CNTN3: variants seen among roughly 807,000 people sequenced by gnomAD.
CNTN3 encodes contactin 3.
A neutral mutation model predicts 119.1 loss-of-function variants in CNTN3; 60 were observed. The ratio of observed to expected loss-of-function variants is 0.50; its 90% CI spans 0.41 to 0.62. The LOEUF (loss-of-function observed/expected upper bound fraction) is 0.62, where lower values mean the gene tolerates loss of function less well. Ranked by LOEUF, CNTN3 falls within the 20% of genes least tolerant of loss-of-function variation. The pLI, the probability that CNTN3 is intolerant of heterozygous loss-of-function variation, is 0.00. For synonymous variants in CNTN3, 450 were observed against 438.7 expected, an observed-to-expected ratio of 1.03 and a Z score of -0.32; for missense variants, 1,101 against 1,242.4, an observed-to-expected ratio of 0.89 and a Z score of 1.71.
intron 5 of CNTN3, among the ~76,000 whole-genome samples, chr3:74,390,355 C>T (rs1157766774): frequency 6.8e-6 from 1 of 146,662 alleles, no homozygotes; most frequent in Non-Finnish European, 1.5e-5. Context: ...CTTTACCAGT[C>T]TGCTGAGAGT....
At chr3:74,565,744 G>C (rs945509902) in intron 1 of CNTN3, among the ~76,000 whole-genome samples, 4 of 152,088 alleles carry the variant, frequency 2.6e-5, no homozygotes, top group African/African-American at 9.7e-5. Context: ...ATTGTAAAGG[G>C]GGAAGGTTGC....
chr3:74,509,164 A>T (rs545323317), intron 2 of CNTN3, among the ~76,000 whole-genome samples: 1 of 152,278 alleles, frequency 6.6e-6, no homozygotes, highest in Admixed American at 6.5e-5. Context: ...TTAGTTAATA[A>T]ACACATGCAC....
intron 22 of CNTN3, 67 bp downstream of exon 22, chr3:74,266,414 A>T: frequency 6.9e-7 from 1 of 1,440,154 alleles, no homozygotes; most frequent in Non-Finnish European, 9.7e-7. Flanking sequence ...AGGGATACTG[A>T]TTGACTCACT....
At chr3:74,371,105 C>T in intron 6 of CNTN3, 91 bp downstream of exon 6, 1 of 862,436 alleles carries the variant, frequency 1.2e-6, no homozygotes, top group Non-Finnish European at 1.9e-6. Flanking sequence ...GACAATTCTT[C>T]TAGATGTACT....
chr3:74,561,666 A>G lies in CNTN3; in HGVS notation c.-80-40474T>C, dbSNP rs897825370. On this transcript the variant is annotated intron_variant, in intron 1 of 22. Coordinates refer to ENST00000263665, the MANE Select transcript of CNTN3 (RefSeq NM_020872.3). ...TCATTGCTGTACTTTCCTCAGATCA[A>G]TTATTCCTTGGATTTATGATGTTCA... Among the ~76,000 whole-genome samples, 3 of 152,058 alleles carry G rather than the reference A, an allele frequency of 2.0e-5. No homozygotes were observed. In the South Asian group the frequency reaches 6.2e-4, roughly 32 times the overall value.
intron 1 of CNTN3, among the ~76,000 whole-genome samples, chr3:74,578,861 C>T (rs1377144613): frequency 6.6e-6 from 1 of 151,906 alleles, no homozygotes; most frequent in Non-Finnish European, 1.5e-5. Flanking sequence ...AATTAAATGA[C>T]ACATTCATTG....
At chr3:74,366,516 G>A (rs1704191116) in intron 8 of CNTN3, among the ~76,000 whole-genome samples, 1 of 151,800 alleles carries the variant, frequency 6.6e-6, no homozygotes. Flanking sequence ...ACTGGGAGGT[G>A]AGATGCCTTA....
intron 5 of CNTN3, among the ~76,000 whole-genome samples, chr3:74,398,940 A>T (rs1344478445): frequency 6.6e-6 from 1 of 152,230 alleles, no homozygotes; most frequent in Admixed American, 6.5e-5. Context: ...GTGATATTGC[A>T]ATACATACAA....
At chr3:74,320,020 A>C (rs1393162768) in intron 13 of CNTN3, among the ~76,000 whole-genome samples, 2 of 152,208 alleles carry the variant, frequency 1.3e-5, no homozygotes, top group African/African-American at 2.4e-5. Context: ...AGGAAAGAAC[A>C]GGTGCTGGAG....
chr3:74,422,090 G>C (rs921668638), intron 5 of CNTN3, among the ~76,000 whole-genome samples: 2 of 152,110 alleles, frequency 1.3e-5, no homozygotes, highest in Admixed American at 1.3e-4. Flanking sequence ...TTTACTGTTT[G>C]TTACAAACCA....
chr3:74,393,563 G>A (rs1704968165), intron 5 of CNTN3, among the ~76,000 whole-genome samples: 1 of 152,196 alleles, frequency 6.6e-6, no homozygotes. Context: ...TCAGGGAGGA[G>A]CCGACCTTGA....
Position 74,298,034 on chromosome 3 carries a change from T to C in CNTN3, c.2324A>G (p.Glu775Gly). ...GTTATTATAAACACCCACTTTAACT[T>C]CATATGGTGAATATGGCACGATGCT... ...NESIVPYSPYEVKVGVYNNKG... is the reference protein window; with the variant it reads ...NESIVPYSPYGVKVGVYNNKG... The change falls in exon 18 of 23, where the codon GAA (glutamate) becomes GGA (glycine). Residue 775 changes from glutamate to glycine, a missense_variant. Glu to Gly is a moderately conservative substitution (Grantham distance 98). Transcript: ENST00000263665. 6.2e-7 allele frequency: 1 copy of C among 1,614,090 alleles called. No individual in the cohort carries two copies. The highest frequency in any genetic ancestry group is 8.5e-7 in the Non-Finnish European group (1 of 1,179,972).
chr3:74,535,110 G>A (rs1703746576), intron 1 of CNTN3, among the ~76,000 whole-genome samples: 1 of 152,042 alleles, frequency 6.6e-6, no homozygotes, highest in African/African-American at 2.4e-5. Flanking sequence ...GACAAACGCT[G>A]CTTACATCTT....
At chr3:74,437,560 C>A (rs1365816607) in intron 4 of CNTN3, among the ~76,000 whole-genome samples, 1 of 152,164 alleles carries the variant, frequency 6.6e-6, no homozygotes, top group Admixed American at 6.5e-5. Context: ...ACAACAAAAA[C>A]TCTCCCTATT....
At chr3:74,350,828 TA>T (rs141102163) in intron 11 of CNTN3, among the ~76,000 whole-genome samples, 7,782 of 145,290 alleles carry the variant, frequency 0.054, 651 homozygotes, top group African/African-American at 0.18. Context: ...AAACACAAAA[TA>T]AAAAAAAAAG....
At chr3:74,451,655 G>A (rs190873176) in intron 4 of CNTN3, among the ~76,000 whole-genome samples, 77,256 of 151,362 alleles carry the variant, frequency 0.51, 20,033 homozygotes, top group Non-Finnish European at 0.54. Flanking sequence ...TATGTCTAAC[G>A]TTTAAGTCTT....
At chr3:74,323,329 A>G (rs1288966012) in intron 13 of CNTN3, among the ~76,000 whole-genome samples, 3 of 152,282 alleles carry the variant, frequency 2.0e-5, no homozygotes, top group East Asian at 3.9e-4. Context: ...TATTTTTTAA[A>G]AGGGGTCCAT....
At chr3:74,366,394 G>C (rs923894225) in intron 8 of CNTN3, among the ~76,000 whole-genome samples, 2 of 152,012 alleles carry the variant, frequency 1.3e-5, no homozygotes, top group Non-Finnish European at 2.9e-5. Flanking sequence ...ATGCTTTAGA[G>C]GGTATTTGGA....
At chr3:74,285,530 A>T (rs992503242) in intron 19 of CNTN3, 39 bp from the exon 20 acceptor site, 10 of 1,556,658 alleles carry the variant, frequency 6.4e-6, no homozygotes, top group Non-Finnish European at 8.7e-6. Flanking sequence ...AAGGCTTAAA[A>T]AATTCTGCCC....
Sources: allele counts gnomAD v4.1 joint callset (sites outside exome capture counted in the v4.1 genomes callset), GRCh38; gene constraint gnomAD v4.1.1; transcripts MANE v1.5; gene names NCBI Gene and HGNC (gene_info 2026-07-23, HGNC 2026-07-21).